The following ZNF202 variants were observed in gnomAD, a reference collection of about 807,000 sequenced individuals.
The protein encoded by ZNF202 is zinc finger protein with KRAB and SCAN domains 10.
In ZNF202, 22 loss-of-function variants were observed where a neutral mutation model predicts 54.5. The ratio of observed to expected loss-of-function variants is 0.40; its 90% CI spans 0.29 to 0.58. ZNF202 has a LOEUF of 0.58. Among genes scored for constraint, ZNF202 ranks in the 20% least tolerant of loss-of-function variants. The pLI, the probability that ZNF202 is intolerant of heterozygous loss-of-function variation, is 0.39. For synonymous variants in ZNF202, 294 were observed against 301.4 expected (o/e 0.98, Z 0.26); for missense variants, 644 against 805.5 (o/e 0.80, Z 2.43).
chr11:123,727,644 C>G (rs773502824), intron 7 of ZNF202, 49 bp from the exon 8 acceptor site: 18 of 1,610,866 alleles, frequency 1.1e-5, no homozygotes, highest in South Asian at 8.8e-5. Flanking sequence ...CAACAATTCC[C>G]TGTGTTAAGA....
chr11:123,728,089 G>C, intron 7 of ZNF202, 44 bp downstream of exon 7: 1 of 1,578,598 alleles, frequency 6.3e-7, no homozygotes, highest in South Asian at 1.1e-5. Context: ...GCAGGAAAAA[G>C]ATCTCTGGGC....
Position 123,726,164 on chromosome 11 carries a change from G to T in ZNF202, c.1780C>A (p.Arg594=). The change falls in exon 9 of 9, where the codon CGA becomes AGA. Residue 594 remains arginine, a synonymous_variant. Transcript: ENST00000530393. This position sits in a 1 kb window ranked among gnomAD's most constrained non-coding sequence, Gnocchi z 6.0. ...AAGCTCTTCCCACATTCGTTGCATC[G>T]GCAGGGCCTCACTGAGGCGTGTCCT... ...LRGHASVRPC[R]CNECGKSFSR... is the part of the protein sequence containing the mutation. 3 of 1,614,176 alleles carry T rather than the reference G, an allele frequency of 1.9e-6. No homozygotes were observed. Among genetic ancestry groups the T allele is most frequent in the African/African-American group, 1.3e-5 (1 of 75,052 alleles).
chr11:123,733,060 T>C (rs936193164), intron 3 of ZNF202, among the ~76,000 whole-genome samples: 2 of 152,178 alleles, frequency 1.3e-5, no homozygotes, highest in African/African-American at 2.4e-5. Context: ...TCAACCTCCA[T>C]GACTGGTTTT....
chr11:123,724,118 T>C lies in ZNF202; in HGVS notation c.*1879A>G, dbSNP rs1861019085. ...CTTAGATACTTGGTTTAGAAATGCC[T>C]GCTTATTAGGACAGTATCTTCTGCA... On this transcript the variant is annotated 3_prime_UTR_variant, in exon 9 of 9. Transcript: ENST00000530393. 6.6e-6 allele frequency: 1 copy of C among 152,244 alleles called. No homozygotes were observed. The highest frequency in any genetic ancestry group is 2.4e-5 in the African/African-American group (1 of 41,462). 9.4% of individuals were successfully genotyped at this position (152,244 alleles called of 1,614,324 possible).
Position 123,730,452 on chromosome 11 carries a change from T to A in ZNF202, c.402+35A>T, listed in dbSNP as rs769508633. 8 of 1,489,842 alleles carry A rather than the reference T, an allele frequency of 5.4e-6. 1 individual carries two copies. In the Admixed American group the frequency reaches 1.9e-4, roughly 35 times the overall value. 92.3% of individuals were successfully genotyped at this position (1,489,842 alleles called of 1,614,324 possible). A position where few individuals can be genotyped will look rare whatever the true frequency, so the allele number is the denominator to read the frequency against. On this transcript the variant is annotated intron_variant, in intron 4 of 8. Transcript: ENST00000530393. This position sits in a 1 kb window ranked among gnomAD's most constrained non-coding sequence, Gnocchi z 6.0. Reference sequence around the variant, plus strand: ...CCAGCCTTCCAGCAAATAGTCCCCCTCCACATCACACAGATCAGGACTCCC... The same window carrying A: ...CCAGCCTTCCAGCAAATAGTCCCCCACCACATCACACAGATCAGGACTCCC...
intron 5 of ZNF202, 142 bp from the exon 6 acceptor site, chr11:123,729,356 G>A: frequency 1.1e-6 from 1 of 879,298 alleles, no homozygotes; most frequent in Non-Finnish European, 1.8e-6. Context: ...CCTAAGGGTA[G>A]CTCCCATATC....
rs762278027 is a variant in ZNF202, at chr11:123,727,027, T to C, written c.953-36A>G. The C allele has an allele frequency of 1.6e-5, 25 of 1,573,398 alleles. 1 individual carries two copies. In the South Asian group the frequency reaches 2.3e-4, roughly 14 times the overall value. ...GGTGAGAGGAAAAAGGGGGTCACTG[T>C]AGCGGCAACAATGCCTTCTACACAA... On this transcript the variant is annotated intron_variant, in intron 8 of 8. Coordinates refer to ENST00000530393, the MANE Select transcript of ZNF202 (RefSeq NM_003455.4).
In ZNF202 at chr11:123,738,353, A is replaced by G. The variant is rs143249784; in HGVS notation, c.-98+1764T>C. Among the ~76,000 whole-genome samples the G allele has an allele frequency of 1.1e-3, 172 of 152,324 alleles. 2 individuals are homozygous for G. The highest frequency in any genetic ancestry group is 5.8e-3 in the East Asian group (30 of 5,174). On this transcript the variant is annotated intron_variant, in intron 3 of 8. Transcript: ENST00000530393. The stretch of plus-strand genomic sequence containing the variant: ...AGAGGCCAGATTTATACACCTGGCC[A>G]TCATGGTCATGTTGGTTAACCTCCA...
Position 123,730,525 on chromosome 11 carries a change from C to T in ZNF202, c.364G>A (p.Glu122Lys). 1 of 1,550,720 alleles carries T rather than the reference C, an allele frequency of 6.4e-7. No individual in the cohort carries two copies. The highest frequency in any genetic ancestry group is 8.7e-7 in the Non-Finnish European group (1 of 1,151,284). The change falls in exon 4 of 9, where the codon GAG becomes AAG. Residue 122 changes from glutamate (E) to lysine (K), a missense_variant. By Grantham distance (56) the Glu-to-Lys change is moderately conservative. Coordinates refer to ENST00000530393, the MANE Select transcript of ZNF202 (RefSeq NM_003455.4). This position sits in a 1 kb window ranked among gnomAD's most constrained non-coding sequence, Gnocchi z 6.0. ...CTCCTGGGTTGTTTCTGCAAACCCT[C>T]CACCAGCGTCACTGCCTCCTCGCCA... ...ESGEEAVTLV[E>K]GLQKQPRRPR...
chr11:123,730,357 G>T lies in ZNF202; in HGVS notation c.402+130C>A. 8.8e-7 allele frequency: 1 copy of T among 1,136,974 alleles called. No individual in the cohort carries two copies. The highest frequency in any genetic ancestry group is 1.5e-5 in the African/African-American group (1 of 64,602). 70.4% of individuals were successfully genotyped at this position (1,136,974 alleles called of 1,614,324 possible). A position where few individuals can be genotyped will look rare whatever the true frequency, so the allele number is the denominator to read the frequency against. On this transcript the variant is annotated intron_variant, in intron 4 of 8. Coordinates refer to ENST00000530393, the MANE Select transcript of ZNF202 (RefSeq NM_003455.4). The surrounding 1 kb of genome is among the most constrained non-coding windows in gnomAD (Gnocchi z 6.0). ...CATCCCCCTAATCCATGGGGCTCAT[G>T]GTATATGAGCAACCCAAGGGCAGAG...
chr11:123,736,919 T>A (rs1861656557), intron 3 of ZNF202, among the ~76,000 whole-genome samples: 1 of 152,202 alleles, frequency 6.6e-6, no homozygotes, highest in Admixed American at 6.5e-5. Context: ...GAAATCGTTT[T>A]GGGAAGAAGG....
In ZNF202 at chr11:123,724,898, T is replaced by G. The variant is rs1861059285; in HGVS notation, c.*1099A>C. ...CAGGGTGTCAGAACAGTCTTGATGGTCTTGCCAGCAACAGCTTTTTCTTAT... is the reference window on the plus strand; with the variant it reads ...CAGGGTGTCAGAACAGTCTTGATGGGCTTGCCAGCAACAGCTTTTTCTTAT... On this transcript the variant is annotated 3_prime_UTR_variant, in exon 9 of 9. Coordinates refer to ENST00000530393, the MANE Select transcript of ZNF202 (RefSeq NM_003455.4). The G allele has an allele frequency of 6.6e-6, 1 of 152,282 alleles. No individual in the cohort carries two copies. The highest frequency in any genetic ancestry group is 2.1e-4 in the South Asian group (1 of 4,832). The allele number at this position is 152,282 out of a possible 1,614,324, so 9.4% of individuals were successfully genotyped here. A position where few individuals can be genotyped will look rare whatever the true frequency, so the allele number is the denominator to read the frequency against.
rs761975771 is a variant in ZNF202 at position 123,729,261 on chromosome 11, A to G, written c.614-47T>C. The stretch of plus-strand genomic sequence containing the variant: ...GATCAGTAATATGCAGCATGCCCCA[A>G]TAATGGGCAAAAATCTGGGCATCCC... On this transcript the variant is annotated intron_variant, in intron 5 of 8. Coordinates refer to ENST00000530393, the MANE Select transcript of ZNF202 (RefSeq NM_003455.4). 3.8e-6 allele frequency: 6 copies of G among 1,571,784 alleles called. No homozygotes were observed. In the East Asian group the frequency reaches 1.1e-4, roughly 29 times the overall value.
intron 3 of ZNF202, among the ~76,000 whole-genome samples, chr11:123,737,102 GTT>G (rs1307874840): frequency 1.3e-5 from 2 of 152,052 alleles, no homozygotes; most frequent in Non-Finnish European, 2.9e-5. Context: ...AAATGAAAGT[GTT>G]GGAATACAGA....
intron 3 of ZNF202, among the ~76,000 whole-genome samples, chr11:123,736,597 C>A (rs954471521): frequency 1.3e-5 from 2 of 152,196 alleles, no homozygotes; most frequent in Non-Finnish European, 1.5e-5. Flanking sequence ...CCAGTACAAT[C>A]CTTCTAATGG....
chr11:123,732,437 A>T (rs113506955), intron 3 of ZNF202, among the ~76,000 whole-genome samples: 2 of 152,272 alleles, frequency 1.3e-5, no homozygotes, highest in African/African-American at 4.8e-5. Context: ...CAAAGCACAC[A>T]AGAGTCCCGT....
intron 3 of ZNF202, among the ~76,000 whole-genome samples, chr11:123,733,844 C>G (rs1215490765): frequency 1.3e-5 from 2 of 152,194 alleles, no homozygotes; most frequent in African/African-American, 4.8e-5. Context: ...CTTCCTTGCA[C>G]TTTTCCTGGG....
chr11:123,728,012 T>C (rs1861229741), intron 7 of ZNF202, 121 bp downstream of exon 7: 1 of 1,117,140 alleles, frequency 9.0e-7, no homozygotes, highest in Non-Finnish European at 1.3e-6. Flanking sequence ...TCAATTTTAT[T>C]GGTGGGGAAG....
chr11:123,730,106 G>A lies in ZNF202; in HGVS notation c.403-281C>T, dbSNP rs1181652186. Reference sequence around the variant, plus strand: ...CCCATCTCCACCTGTCCCACCTGCAGCTCTCCTTGCTGCCTGCTTCCCTAG... The same window carrying A: ...CCCATCTCCACCTGTCCCACCTGCAACTCTCCTTGCTGCCTGCTTCCCTAG... On this transcript the variant is annotated intron_variant, in intron 4 of 8. Transcript: ENST00000530393. This position sits in a 1 kb window ranked among gnomAD's most constrained non-coding sequence, Gnocchi z 6.0. 1.3e-5 allele frequency among the ~76,000 whole-genome samples: 2 copies of A among 152,114 alleles called. No individual in the cohort carries two copies. The highest frequency in any genetic ancestry group is 3.9e-4 in the East Asian group (2 of 5,174).
Sources: gnomAD v4.1 joint callset for allele counts (sites outside exome capture counted in the v4.1 genomes callset) on GRCh38, gnomAD v4.1.1 for gene constraint, Gnocchi (gnomAD v3.1) non-coding constraint, MANE v1.5 for transcripts, NCBI Gene and HGNC (gene_info 2026-07-23, HGNC 2026-07-21) for gene names.